The following CDC42SE2 variants were observed in gnomAD, a reference collection of about 807,000 sequenced individuals.
The protein encoded by CDC42SE2 is CDC42 small effector protein 2.
A neutral mutation model predicts 11.5 loss-of-function variants in CDC42SE2; 3 were observed. The ratio of observed to expected loss-of-function variants is 0.26; its 90% CI spans 0.12 to 0.67. The LOEUF is 0.67. CDC42SE2 is among the 30% of genes least tolerant of loss of function. The pLI is 0.80. For synonymous variants in CDC42SE2, 33 were observed against 34.8 expected (o/e 0.95, Z 0.18); for missense variants, 82 against 106.8 (o/e 0.77, Z 1.02).
intron 1 of CDC42SE2, among the ~76,000 whole-genome samples, chr5:131,294,990 G>C (rs1757539369): frequency 6.6e-6 from 1 of 152,096 alleles, no homozygotes; most frequent in African/African-American, 2.4e-5. Context: ...AGCCAGGCGT[G>C]ATGGCATGCA....
the CDC42SE2 span, among the ~76,000 whole-genome samples, chr5:131,231,979 AGG>A: frequency 9.2e-5 from 14 of 152,116 alleles, no homozygotes; most frequent in African/African-American, 2.6e-4. Flanking sequence ...TAGTAGAGAC[AGG>A]GTTTCACCAC....
intron 2 of CDC42SE2, among the ~76,000 whole-genome samples, chr5:131,346,790 T>C (rs557274648): frequency 0.031 from 4,770 of 152,072 alleles, 187 homozygotes; most frequent in African/African-American, 0.094. Flanking sequence ...GAACAGAAAT[T>C]ATAACAAACT....
intron 1 of CDC42SE2, among the ~76,000 whole-genome samples, chr5:131,305,592 T>C (rs1757763671): frequency 6.6e-6 from 1 of 152,170 alleles, no homozygotes. Flanking sequence ...CCTTTGCCCG[T>C]TTTTTGATTA....
intron 1 of CDC42SE2, chr5:131,253,275 A>G (rs1756655554): frequency 1.3e-5 from 2 of 152,224 alleles, no homozygotes; most frequent in African/African-American, 2.4e-5. Context: ...TGAGGTGAAA[A>G]GAGCTGTTGG....
chr5:131,288,009 G>A (rs558434970), intron 1 of CDC42SE2, among the ~76,000 whole-genome samples: 1 of 152,164 alleles, frequency 6.6e-6, no homozygotes, highest in Non-Finnish European at 1.5e-5. Flanking sequence ...TTTGAGAAAC[G>A]GAGGCAGGTG....
intron 2 of CDC42SE2, among the ~76,000 whole-genome samples, chr5:131,345,235 G>A (rs1158690833): frequency 3.3e-5 from 5 of 152,026 alleles, no homozygotes. Flanking sequence ...CGAACCTATC[G>A]CAAAGAAGCT....
chr5:131,311,038 G>A (rs1561580298), intron 1 of CDC42SE2, among the ~76,000 whole-genome samples: 1 of 150,912 alleles, frequency 6.6e-6, no homozygotes, highest in African/African-American at 2.4e-5. Context: ...TCCTAGTCTG[G>A]ATGGTCTTTA....
upstream of CDC42SE2, among the ~76,000 whole-genome samples, chr5:131,244,868 A>AT (rs538005275): frequency 3.1e-3 from 465 of 152,210 alleles, 4 homozygotes; most frequent in African/African-American, 0.01. Flanking sequence ...GAAAATGTGT[A>AT]TTTTTTATGG....
chr5:131,227,157 G>A, the CDC42SE2 span, among the ~76,000 whole-genome samples: 1 of 152,132 alleles, frequency 6.6e-6, no homozygotes, highest in Non-Finnish European at 1.5e-5. Flanking sequence ...TTAGCACTTT[G>A]GGAGGCCAAA....
chr5:131,305,433 A>T (rs1013169924), intron 1 of CDC42SE2, among the ~76,000 whole-genome samples: 1 of 152,204 alleles, frequency 6.6e-6, no homozygotes, highest in Non-Finnish European at 1.5e-5. Context: ...GCAAGTACGT[A>T]TATAGATTGA....
At chr5:131,273,582 A>G (rs951039391) in intron 1 of CDC42SE2, among the ~76,000 whole-genome samples, 2 of 150,640 alleles carry the variant, frequency 1.3e-5, no homozygotes, top group Admixed American at 6.6e-5. Context: ...CATCCTGGCT[A>G]ACATGGTGAA....
At chr5:131,387,286 C>T (rs1332029162) in intron 4 of CDC42SE2, among the ~76,000 whole-genome samples, 3 of 152,172 alleles carry the variant, frequency 2.0e-5, no homozygotes, top group African/African-American at 4.8e-5. Context: ...CGGTGGCTCA[C>T]GCCTGTAATC....
At chr5:131,329,872 T>C in intron 2 of CDC42SE2, among the ~76,000 whole-genome samples, 2 of 40,252 alleles carry the variant, frequency 5.0e-5, no homozygotes, top group African/African-American at 1.4e-4. Flanking sequence ...AGAGTGAAAC[T>C]CCATCTCAAA....
chr5:131,322,660 A>T (rs1411634817), intron 2 of CDC42SE2, among the ~76,000 whole-genome samples: 2 of 152,018 alleles, frequency 1.3e-5, no homozygotes, highest in Admixed American at 6.6e-5. Flanking sequence ...AAGGCTCGAT[A>T]ATATTCCATT....
At chr5:131,279,840 G>A (rs1376902564) in intron 1 of CDC42SE2, among the ~76,000 whole-genome samples, 1 of 152,202 alleles carries the variant, frequency 6.6e-6, no homozygotes, top group African/African-American at 2.4e-5. Flanking sequence ...TTGGGAGGCT[G>A]AGGTGGGCGA....
the CDC42SE2 span, among the ~76,000 whole-genome samples, chr5:131,216,017 C>T: frequency 2.0e-5 from 3 of 152,206 alleles, no homozygotes; most frequent in South Asian, 4.2e-4. Flanking sequence ...TGTTTAGACC[C>T]GTAACAAAAC....
chr5:131,347,024 A>C (rs975823033), intron 2 of CDC42SE2, among the ~76,000 whole-genome samples: 2 of 152,218 alleles, frequency 1.3e-5, no homozygotes, highest in African/African-American at 4.8e-5. Context: ...TTATAGCACT[A>C]AATGCCCACA....
At chr5:131,336,733 A>G (rs1471674149) in intron 2 of CDC42SE2, among the ~76,000 whole-genome samples, 1 of 151,992 alleles carries the variant, frequency 6.6e-6, no homozygotes, top group Non-Finnish European at 1.5e-5. Context: ...ATCTTCCATC[A>G]CTGATACCCT....
At chr5:131,242,140 T>G (rs1406443947), upstream of CDC42SE2, among the ~76,000 whole-genome samples, 1 of 152,220 alleles carries the variant, frequency 6.6e-6, no homozygotes, top group Non-Finnish European at 1.5e-5. Flanking sequence ...ATTATTTACT[T>G]GCCGGTATGC....
Sources: allele counts gnomAD v4.1 joint callset (sites outside exome capture counted in the v4.1 genomes callset), GRCh38; gene constraint gnomAD v4.1.1; transcripts MANE v1.5; gene names NCBI Gene and HGNC (gene_info 2026-07-23, HGNC 2026-07-21).